Variants in CEP83 observed in about 807,000 individuals in gnomAD.
CEP83 encodes centrosomal protein of 83 kDa.
Under a neutral mutation model 101.9 loss-of-function variants are expected in CEP83, and 70 were observed. The observed-to-expected ratio is 0.69, with a 90% confidence interval of 0.57 to 0.84. The LOEUF is 0.84. Among genes scored for constraint, CEP83 ranks in the 40% least tolerant of loss-of-function variants. The probability of loss-of-function intolerance (pLI) is 0.00; values close to 1 mark genes in which losing one functional copy is unlikely to be tolerated. For synonymous variants in CEP83, 264 were observed against 267.9 expected, an observed-to-expected ratio of 0.99 and a Z score of 0.14; for missense variants, 715 against 787.2, an observed-to-expected ratio of 0.91 and a Z score of 1.10.
rs1354360956 is a variant in CEP83 at position 94,308,491 on chromosome 12, T to C, written c.*322A>G. 1.5e-5 allele frequency: 3 copies of C among 203,408 alleles called. No individual in the cohort carries two copies. The highest frequency in any genetic ancestry group is 1.3e-4 in the East Asian group (1 of 7,506). The allele number at this position is 203,408 out of a possible 1,614,324, so 12.6% of individuals were successfully genotyped here. On this transcript the variant is annotated 3_prime_UTR_variant, in exon 17 of 17. Transcript: ENST00000397809. ...GAAGAGAGAATTAATGATAGTTATA[T>C]TTCACTCAAAATGCCAAAAAAAAAA... is the stretch of plus-strand genomic sequence containing the variant.
At chr12:94,326,294 A>T (rs2058972532) in intron 14 of CEP83, among the ~76,000 whole-genome samples, 1 of 152,138 alleles carries the variant, frequency 6.6e-6, no homozygotes, top group Non-Finnish European at 1.5e-5. Context: ...TATCCTTTAC[A>T]ATAAACTGGT....
chr12:94,328,319 C>T (rs1292102204), intron 14 of CEP83: 3 of 317,100 alleles, frequency 9.5e-6, no homozygotes, highest in Middle Eastern at 7.7e-4. Context: ...CTTTTCCAAA[C>T]AAATCAACAC....
intron 14 of CEP83, among the ~76,000 whole-genome samples, chr12:94,323,078 A>G (rs2058815952): frequency 1.3e-5 from 2 of 152,160 alleles, no homozygotes; most frequent in Admixed American, 6.5e-5. Context: ...GAGGTGTAAC[A>G]CTGCTACCAG....
At position 94,424,292 on chromosome 12, in the gene CEP83, T is replaced by C. The variant is rs2065015060; in HGVS notation, c.-102+10983A>G. On this transcript the variant is annotated intron_variant, in intron 2 of 16. Coordinates refer to ENST00000397809, the MANE Select transcript of CEP83 (RefSeq NM_016122.3). ...ATTTTGCACAAATATTCCTTGGTTC[T>C]GTCGTTTCTTTGGCCCGCCATCAGC... The C allele has an allele frequency of 4.2e-5, 67 of 1,614,106 alleles. No individual in the cohort carries two copies. The South Asian group carries it at 7.1e-4, about 17-fold the overall frequency.
intron 14 of CEP83, among the ~76,000 whole-genome samples, chr12:94,318,104 G>A (rs146951121): frequency 5.3e-5 from 8 of 152,222 alleles, no homozygotes; most frequent in Middle Eastern, 6.8e-3. Context: ...TGTCTAAGCA[G>A]TGTTTTATAA....
intron 11 of CEP83, among the ~76,000 whole-genome samples, chr12:94,354,777 T>C (rs11107517): frequency 0.59 from 90,123 of 151,994 alleles, 26,930 homozygotes; most frequent in African/African-American, 0.67. Flanking sequence ...TTCAGCAGGC[T>C]GAGGCAGGAG....
intron 2 of CEP83, among the ~76,000 whole-genome samples, chr12:94,431,692 AAC>A (rs1308100050): frequency 1.3e-5 from 2 of 152,190 alleles, no homozygotes; most frequent in Non-Finnish European, 2.9e-5. Context: ...AAAAATTCTC[AAC>A]ATCATTAATT....
chr12:94,440,607 A>G (rs1217985249), intron 1 of CEP83, among the ~76,000 whole-genome samples: 2 of 152,182 alleles, frequency 1.3e-5, no homozygotes, highest in Non-Finnish European at 2.9e-5. Context: ...GAAAATGACC[A>G]TACTGCCAAG....
At chr12:94,377,499 A>G (rs2137150253) in intron 7 of CEP83, among the ~76,000 whole-genome samples, 1 of 152,340 alleles carries the variant, frequency 6.6e-6, no homozygotes. Context: ...GGTAAGGACT[A>G]TATTCGACAA....
chr12:94,428,865 C>A (rs986586169), intron 2 of CEP83, among the ~76,000 whole-genome samples: 13 of 152,154 alleles, frequency 8.5e-5, no homozygotes, highest in African/African-American at 3.1e-4. Flanking sequence ...TGCCCATATT[C>A]AGAGTACTCC....
chr12:94,363,263 C>T (rs750261481), intron 11 of CEP83, among the ~76,000 whole-genome samples: 7 of 152,098 alleles, frequency 4.6e-5, no homozygotes, highest in Non-Finnish European at 7.4e-5. Context: ...ACATTGTATA[C>T]GTGAATCAAA....
the CEP83 span, among the ~76,000 whole-genome samples, chr12:94,283,783 C>T: frequency 0.05 from 7,624 of 152,212 alleles, 232 homozygotes; most frequent in Non-Finnish European, 0.072. Flanking sequence ...ACCAGCTGAT[C>T]CATCAAGAGC....
At chr12:94,438,205 T>C (rs571640212) in intron 1 of CEP83, among the ~76,000 whole-genome samples, 58 of 147,202 alleles carry the variant, frequency 3.9e-4, no homozygotes, top group Non-Finnish European at 7.6e-4. Context: ...GGTGACTGAG[T>C]GAGACTGTCC....
At chr12:94,415,009 T>C (rs900810157) in intron 2 of CEP83, among the ~76,000 whole-genome samples, 13 of 152,082 alleles carry the variant, frequency 8.5e-5, no homozygotes, top group African/African-American at 3.1e-4. Context: ...ACAAAATTTG[T>C]TTTTGGTGAA....
the CEP83 span, chr12:94,277,753 A>G: frequency 2.8e-6 from 1 of 351,084 alleles, no homozygotes; most frequent in Non-Finnish European, 5.7e-6. Flanking sequence ...TAATGCCAAC[A>G]ATAGTAATTG....
Position 94,310,034 on chromosome 12 carries a change from AT to A in CEP83, c.1884del (p.Glu628AspfsTer5). On this transcript the variant is annotated frameshift_variant, in exon 16 of 17. Coordinates refer to ENST00000397809, the MANE Select transcript of CEP83 (RefSeq NM_016122.3). LOFTEE classifies it high-confidence loss of function. Reference sequence around the variant, plus strand: ...TTAGGAACCAAAATTAGACTTCGAAATTCATTATGTCTTCTCTGTATATCTT... The same window carrying A: ...TTAGGAACCAAAATTAGACTTCGAAATCATTATGTCTTCTCTGTATATCTT... The part of the protein sequence containing the change: ...RLKDIQRRHN[E>X]FRSLILVPNM... 5 of 1,608,248 alleles carry A rather than the reference AT, an allele frequency of 3.1e-6. No homozygotes were observed. The South Asian group carries it at 5.5e-5, about 18-fold the overall frequency.
rs529482294 is a variant in CEP83, at chr12:94,327,766, C to T, written c.1707+3934G>A. Among the ~76,000 whole-genome samples, 3 of 152,310 alleles carry T rather than the reference C, an allele frequency of 2.0e-5. No individual in the cohort carries two copies. The East Asian group carries it at 5.8e-4, about 29-fold the overall frequency. The stretch of plus-strand genomic sequence containing the variant: ...CACGCTTTACCTTCATTCCTATATT[C>T]CAAGCCCCAATTCTAGACTTCTTAC... On this transcript the variant is annotated intron_variant, in intron 14 of 16. Transcript: ENST00000397809.
At chr12:94,444,033 C>T (rs2066614171) in intron 1 of CEP83, among the ~76,000 whole-genome samples, 1 of 152,112 alleles carries the variant, frequency 6.6e-6, no homozygotes, top group Admixed American at 6.5e-5. Context: ...TCAGAGAAAC[C>T]TTGGGGAAGG....
intron 1 of CEP83, among the ~76,000 whole-genome samples, chr12:94,442,962 T>C (rs1261939657): frequency 6.6e-6 from 1 of 152,218 alleles, no homozygotes; most frequent in Non-Finnish European, 1.5e-5. Flanking sequence ...AGAAGCCTCC[T>C]AGACAGTGTC....
Sources: gnomAD v4.1 joint callset for allele counts (sites outside exome capture counted in the v4.1 genomes callset) on GRCh38, gnomAD v4.1.1 for gene constraint, MANE v1.5 for transcripts, NCBI Gene and HGNC (gene_info 2026-07-23, HGNC 2026-07-21) for gene names.